Variants in TRPM5 observed in about 807,000 individuals in gnomAD.
TRPM5 encodes the protein transient receptor potential cation channel subfamily M member 5, also known as MLSN1 and TRP-related.
A neutral mutation model predicts 124.9 loss-of-function variants in TRPM5; 121 were observed. That is an observed-to-expected ratio of 0.97 (90% CI 0.84 to 1.13). TRPM5 has a LOEUF of 1.13. TRPM5 is among the 50% of genes most tolerant of loss of function. TRPM5 has a pLI of 0.00. For missense variants in TRPM5, 1,643 were observed against 1,589.1 expected (o/e 1.03, Z -0.58); for synonymous variants, 781 against 700.5 (o/e 1.11, Z -1.81).
At chr11:2,430,903 T>G in the TRPM5 span, among the ~76,000 whole-genome samples, 2 of 150,686 alleles carry the variant, frequency 1.3e-5, no homozygotes, top group Admixed American at 6.9e-5. Context: ...ACGGTATTGG[T>G]GGTGGTGGTT....
At chr11:2,434,295 TG>T in the TRPM5 span, among the ~76,000 whole-genome samples, 2 of 151,396 alleles carry the variant, frequency 1.3e-5, no homozygotes, top group African/African-American at 4.9e-5. Flanking sequence ...TGCATGTGTG[TG>T]GCTGCACTGT....
the TRPM5 span, among the ~76,000 whole-genome samples, chr11:2,437,903 CAG>C: frequency 1.3e-5 from 2 of 152,142 alleles, no homozygotes. The surrounding 1 kb of genome is among the most constrained non-coding windows in gnomAD (Gnocchi z 5.6). Flanking sequence ...GGATCAAGAA[CAG>C]GGGCTTGCTG....
the TRPM5 span, among the ~76,000 whole-genome samples, chr11:2,431,541 T>C: frequency 1.3e-5 from 2 of 152,158 alleles, no homozygotes; most frequent in Non-Finnish European, 2.9e-5. Flanking sequence ...ACAGAAGTTC[T>C]TCCCCAGCCA....
At chr11:2,426,291 C>T (rs776873306), upstream of TRPM5, among the ~76,000 whole-genome samples, 33 of 152,194 alleles carry the variant, frequency 2.2e-4, no homozygotes, top group Non-Finnish European at 3.4e-4. Flanking sequence ...TGCCCAGGCT[C>T]GGTGCCCCCC....
At chr11:2,439,645 A>G in the TRPM5 span, among the ~76,000 whole-genome samples, 1 of 152,270 alleles carries the variant, frequency 6.6e-6, no homozygotes, top group East Asian at 1.9e-4. Context: ...CACACCAGTC[A>G]GAATGGCCTT....
chr11:2,406,685 T>TC lies in TRPM5; in HGVS notation c.3226dup (p.Glu1076GlyfsTer46). The TC allele has an allele frequency of 6.2e-7, 1 of 1,612,590 alleles. No homozygotes were observed. On this transcript the variant is annotated frameshift_variant, in exon 21 of 24. Coordinates refer to ENST00000155858, the Ensembl canonical transcript of TRPM5. LOFTEE classifies it high-confidence loss of function. ...CCTGTGGGCGGTTTTCCGCAGCACC[T>TC]CCCCCTCGCTGTCCCTCCTCCGCTT...
At chr11:2,418,557 C>T in exon 5 of TRPM5, 1 of 1,611,908 alleles carries the variant, frequency 6.2e-7, no homozygotes, top group Non-Finnish European at 8.5e-7. Flanking sequence ...CATTGACCAG[C>T]AAGCAGAGGA....
exon 1 of TRPM5, chr11:2,423,019 G>C: frequency 6.2e-7 from 1 of 1,611,936 alleles, no homozygotes; most frequent in Non-Finnish European, 8.5e-7. Flanking sequence ...CGGGACGGGG[G>C]CCTTGGACAT....
At position 2,421,206 on chromosome 11, in the gene TRPM5, G is replaced by A. The variant is rs1845768318; in HGVS notation, c.299-8C>T. 6.5e-7 allele frequency: 1 copy of A among 1,534,262 alleles called. No individual in the cohort carries two copies. Among genetic ancestry groups the A allele is most frequent in the African/African-American group, 1.4e-5 (1 of 72,012 alleles). Reference sequence around the variant, plus strand: ...TGGTCAGGATCCAGGCTCCTGTGGGGATGGAAGAGGGCCTCGTTGTGCCGC... The same window carrying A: ...TGGTCAGGATCCAGGCTCCTGTGGGAATGGAAGAGGGCCTCGTTGTGCCGC... On this transcript the variant is annotated splice_region_variant and splice_polypyrimidine_tract_variant and intron_variant, in intron 2 of 23. Transcript: ENST00000155858.
chr11:2,419,577 C>G (rs1845736275), intron 4 of TRPM5, among the ~76,000 whole-genome samples: 1 of 150,792 alleles, frequency 6.6e-6, no homozygotes, highest in Non-Finnish European at 1.5e-5. Flanking sequence ...GATTGCACTC[C>G]TGCACTCCAG....
exon 13 of TRPM5, chr11:2,413,561 C>G (rs746962321): frequency 1.2e-6 from 2 of 1,612,228 alleles, no homozygotes; most frequent in Non-Finnish European, 1.7e-6. Flanking sequence ...GCGGCCATGT[C>G]CCCCCACCAG....
Position 2,415,061 on chromosome 11 carries a change from G to A in TRPM5, c.1480-14C>T, listed in dbSNP as rs956755601. 6.3e-7 allele frequency: 1 copy of A among 1,596,272 alleles called. No homozygotes were observed. The highest frequency in any genetic ancestry group is 8.5e-7 in the Non-Finnish European group (1 of 1,177,088). On this transcript the variant is annotated splice_polypyrimidine_tract_variant and intron_variant, in intron 9 of 23. Coordinates refer to ENST00000155858, the Ensembl canonical transcript of TRPM5. ...CGGGCCCTTCTCCTGGAGGACACGG[G>A]CGTCGGCCTCCTGCTGCGGCCCCAG...
At chr11:2,414,964 C>G in exon 10 of TRPM5, 1 of 1,607,594 alleles carries the variant, frequency 6.2e-7, no homozygotes, top group South Asian at 1.1e-5. Context: ...CCCACAGGAA[C>G]AGGTCCCGCC....
rs530651184 is a variant in TRPM5, at chr11:2,405,992, G to A, written c.3324+27C>T. ...CCACGCAGCCACCCGCCTCCCATCA[G>A]GGAGAGGAGCTCTGGGGCTCGCTTG... On this transcript the variant is annotated intron_variant, in intron 22 of 23. Transcript: ENST00000155858. The A allele has an allele frequency of 1.9e-6, 3 of 1,600,896 alleles. No homozygotes were observed. The South Asian group carries it at 3.3e-5, about 18-fold the overall frequency.
chr11:2,428,969 T>C, the TRPM5 span, among the ~76,000 whole-genome samples: 1 of 150,722 alleles, frequency 6.6e-6, no homozygotes, highest in Non-Finnish European at 1.5e-5. The surrounding 1 kb of genome is among the most constrained non-coding windows in gnomAD (Gnocchi z 4.0). Context: ...ATAGTAGTCA[T>C]GGTGGTAGTG....
chr11:2,437,651 G>T, the TRPM5 span, among the ~76,000 whole-genome samples: 1 of 152,110 alleles, frequency 6.6e-6, no homozygotes, highest in Non-Finnish European at 1.5e-5. The surrounding 1 kb of genome is among the most constrained non-coding windows in gnomAD (Gnocchi z 5.6). Flanking sequence ...CAAACCTCAG[G>T]GTCTCCTGCA....
intron 18 of TRPM5, among the ~76,000 whole-genome samples, chr11:2,410,260 G>A (rs887717232): frequency 6.6e-5 from 10 of 152,200 alleles, no homozygotes; most frequent in Admixed American, 2.0e-4. Context: ...CGTCGCCCCC[G>A]CCTGTCCCCG....
At chr11:2,414,142 G>A in exon 12 of TRPM5, 5 of 1,608,012 alleles carry the variant, frequency 3.1e-6, no homozygotes, top group Non-Finnish European at 4.2e-6. Context: ...TCCAGCAGCG[G>A]TTCCGGCGCA....
intron 4 of TRPM5, among the ~76,000 whole-genome samples, chr11:2,419,956 C>T (rs1048712712): frequency 2.0e-5 from 3 of 152,306 alleles, no homozygotes; most frequent in East Asian, 3.9e-4. Context: ...AGAACTGCAC[C>T]TGCTCTGGTG....
Sources: allele counts gnomAD v4.1 joint callset (sites outside exome capture counted in the v4.1 genomes callset), GRCh38; gene constraint gnomAD v4.1.1; non-coding constraint Gnocchi (gnomAD v3.1); transcripts MANE v1.5; gene names NCBI Gene and HGNC (gene_info 2026-07-23, HGNC 2026-07-21).